SUPT3H: variants seen among roughly 807,000 people sequenced by gnomAD.
SUPT3H encodes transcription initiation protein SPT3 homolog.
Under a neutral mutation model 44.3 loss-of-function variants are expected in SUPT3H, and 44 were observed. The observed-to-expected ratio is 0.99, with a 90% CI of 0.78 to 1.28. The LOEUF is 1.28. Among genes scored for constraint, SUPT3H ranks in the 50% most tolerant of loss-of-function variants. The probability of loss-of-function intolerance (pLI) is 0.00; values close to 1 mark genes in which losing one functional copy is unlikely to be tolerated. For missense variants in SUPT3H, 380 were observed against 387.1 expected (o/e 0.98, Z 0.15); for synonymous variants, 124 against 125.6 (o/e 0.99, Z 0.09).
At chr6:45,181,664 A>G (rs1175350814) in intron 2 of SUPT3H, among the ~76,000 whole-genome samples, 18 of 142,102 alleles carry the variant, frequency 1.3e-4, no homozygotes, top group Admixed American at 9.7e-4. Flanking sequence ...GGAATTGAAC[A>G]ATGAGAACAC....
intron 10 of SUPT3H, among the ~76,000 whole-genome samples, chr6:44,890,071 A>G (rs1377917077): frequency 2.0e-5 from 3 of 151,762 alleles, no homozygotes; most frequent in African/African-American, 4.8e-5. Context: ...ACCATCTCAC[A>G]CCAGTTAGAA....
intron 10 of SUPT3H, among the ~76,000 whole-genome samples, chr6:44,840,760 A>C (rs548236865): frequency 7.2e-4 from 109 of 152,324 alleles, no homozygotes; most frequent in African/African-American, 2.2e-3. Context: ...TGATTTTGCT[A>C]ATTTATTCAA....
intron 2 of SUPT3H, among the ~76,000 whole-genome samples, chr6:45,166,458 G>A (rs1389320119): frequency 6.6e-6 from 1 of 151,776 alleles, no homozygotes; most frequent in Non-Finnish European, 1.5e-5. Flanking sequence ...AGTGGCAGGT[G>A]GCTATAGTCC....
intron 2 of SUPT3H, among the ~76,000 whole-genome samples, chr6:45,158,129 C>T (rs1808166128): frequency 7.0e-6 from 1 of 143,838 alleles, no homozygotes; most frequent in Admixed American, 7.0e-5. Flanking sequence ...TTTATAAATT[C>T]AACCCCTAAC....
rs192826557 is a variant in SUPT3H, at chr6:45,192,259, G to T, written c.102-86253C>A. 1.2e-4 allele frequency among the ~76,000 whole-genome samples: 19 copies of T among 152,172 alleles called. No individual in the cohort carries two copies. In the East Asian group the frequency reaches 3.5e-3, roughly 28 times the overall value. ...CCATGCTGGCATTATGGAACTGGCT[G>T]TAATATAGATTTTGCAAGGGGAAAA... On this transcript the variant is annotated intron_variant, in intron 2 of 10. Coordinates refer to ENST00000371459, the MANE Select transcript of SUPT3H (RefSeq NM_003599.4).
chr6:45,310,716 A>G (rs1165792352), intron 2 of SUPT3H, among the ~76,000 whole-genome samples: 1 of 152,204 alleles, frequency 6.6e-6, no homozygotes, highest in Non-Finnish European at 1.5e-5. Flanking sequence ...AGCCATAACC[A>G]CAGGAAAAGG....
At chr6:44,895,100 T>C (rs548584850) in intron 10 of SUPT3H, among the ~76,000 whole-genome samples, 2 of 152,212 alleles carry the variant, frequency 1.3e-5, no homozygotes. Context: ...TTCCTCAGTT[T>C]AGATTCATTA....
intron 10 of SUPT3H, among the ~76,000 whole-genome samples, chr6:44,846,590 A>T (rs187462918): frequency 6.6e-6 from 1 of 151,882 alleles, no homozygotes; most frequent in Admixed American, 6.6e-5. Context: ...AGAACAGGGG[A>T]GGGCTGAGCT....
rs191875799 is a variant in SUPT3H, at chr6:45,113,595, G to A, written c.102-7589C>T. On this transcript the variant is annotated intron_variant, in intron 2 of 10. Transcript: ENST00000371459. Reference sequence around the variant, plus strand: ...AACCCCAGCACTTTGGGAGGCCAAGGTGGGTAGATCACCTGAGGTCAGGAG... The same window carrying A: ...AACCCCAGCACTTTGGGAGGCCAAGATGGGTAGATCACCTGAGGTCAGGAG... Among the ~76,000 whole-genome samples the A allele has an allele frequency of 2.2e-3, 342 of 152,174 alleles. 4 individuals carry two copies. Among genetic ancestry groups the A allele is most frequent in the African/African-American group, 7.7e-3 (319 of 41,518 alleles).
chr6:44,902,003 T>G (rs1291314532), intron 10 of SUPT3H, among the ~76,000 whole-genome samples: 1 of 152,004 alleles, frequency 6.6e-6, no homozygotes, highest in South Asian at 2.1e-4. Flanking sequence ...AGGCCTGCCC[T>G]AAAAGAGCTC....
chr6:45,059,792 A>G (rs747054730), intron 3 of SUPT3H, among the ~76,000 whole-genome samples: 6 of 152,106 alleles, frequency 3.9e-5, no homozygotes, highest in Non-Finnish European at 8.8e-5. Context: ...GTATTCCTAT[A>G]CAACAACAAC....
intron 3 of SUPT3H, among the ~76,000 whole-genome samples, chr6:45,086,157 C>T (rs1346483763): frequency 6.6e-6 from 1 of 151,988 alleles, no homozygotes; most frequent in African/African-American, 2.4e-5. Flanking sequence ...TTAGTAATAT[C>T]ATTCCCCATT....
intron 7 of SUPT3H, among the ~76,000 whole-genome samples, chr6:44,958,491 G>T (rs1050413012): frequency 6.6e-6 from 1 of 152,112 alleles, no homozygotes; most frequent in Non-Finnish European, 1.5e-5. Flanking sequence ...GTTTTCCCTG[G>T]AAACTTCCCT....
At chr6:45,067,848 C>CT (rs1793649110) in intron 3 of SUPT3H, among the ~76,000 whole-genome samples, 1 of 146,090 alleles carries the variant, frequency 6.8e-6, no homozygotes, top group South Asian at 2.3e-4. Flanking sequence ...AATAGGAACA[C>CT]TTTTACACTG....
At chr6:45,281,010 G>C (rs2153666480) in intron 2 of SUPT3H, among the ~76,000 whole-genome samples, 1 of 152,312 alleles carries the variant, frequency 6.6e-6, no homozygotes, top group South Asian at 2.1e-4. Context: ...TAGATTATTT[G>C]TTTTTCAAAG....
chr6:45,220,460 A>G (rs1363445273), intron 2 of SUPT3H, among the ~76,000 whole-genome samples: 1 of 152,178 alleles, frequency 6.6e-6, no homozygotes, highest in Non-Finnish European at 1.5e-5. Flanking sequence ...ATGACAGCTA[A>G]AATTATTCAT....
intron 3 of SUPT3H, among the ~76,000 whole-genome samples, chr6:45,100,141 A>G (rs1798344869): frequency 6.6e-6 from 1 of 152,214 alleles, no homozygotes; most frequent in African/African-American, 2.4e-5. Context: ...AGCTACTAGA[A>G]GAAAGCACAG....
intron 10 of SUPT3H, among the ~76,000 whole-genome samples, chr6:44,882,910 C>A (rs1177918305): frequency 6.6e-6 from 1 of 152,126 alleles, no homozygotes; most frequent in Non-Finnish European, 1.5e-5. Flanking sequence ...CTGTTTATGA[C>A]AAATCCACAG....
At chr6:44,857,073 C>T (rs1031592646) in intron 10 of SUPT3H, among the ~76,000 whole-genome samples, 3 of 152,120 alleles carry the variant, frequency 2.0e-5, no homozygotes, top group Non-Finnish European at 4.4e-5. Context: ...TCTTTTGAGA[C>T]TCAAAGAAAT....
Sources: gnomAD v4.1 joint callset for allele counts (sites outside exome capture counted in the v4.1 genomes callset) on GRCh38, gnomAD v4.1.1 for gene constraint, MANE v1.5 for transcripts, NCBI Gene and HGNC (gene_info 2026-07-23, HGNC 2026-07-21) for gene names.